MAD1L1: variants seen among roughly 807,000 people sequenced by gnomAD.
The protein encoded by MAD1L1 is mitotic arrest deficient 1 like 1.
MAD1L1 carries 95 observed loss-of-function variants against 96.9 expected under a neutral mutation model. The ratio of observed to expected loss-of-function variants is 0.98; its 90% CI spans 0.83 to 1.16. The LOEUF (loss-of-function observed/expected upper bound fraction) is 1.16. MAD1L1 is among the 50% of genes most tolerant of loss of function. The pLI is 0.00. For synonymous variants in MAD1L1, 473 were observed against 396.6 expected (o/e 1.19, Z -2.29); for missense variants, 1,007 against 954.4 (o/e 1.06, Z -0.73).
At chr7:2,077,489 G>A (rs1160743847) in intron 11 of MAD1L1, among the ~76,000 whole-genome samples, 2 of 152,192 alleles carry the variant, frequency 1.3e-5, no homozygotes, top group Non-Finnish European at 2.9e-5. Flanking sequence ...GGGCTGGGGG[G>A]AGACGCCCCA....
At position 1,980,684 on chromosome 7, in the gene MAD1L1, G is replaced by A. The variant is rs998939428; in HGVS notation, c.1417-143C>T. 3 of 724,306 alleles carry A rather than the reference G, an allele frequency of 4.1e-6. No individual in the cohort carries two copies. The African/African-American group carries it at 5.2e-5, about 13-fold the overall frequency. 44.9% of individuals were successfully genotyped at this position (724,306 alleles called of 1,614,324 possible). On this transcript the variant is annotated intron_variant, in intron 14 of 18. Coordinates refer to ENST00000265854, the MANE Select transcript of MAD1L1 (RefSeq NM_001013836.2). ...TGCGGGAGAGACCTCTCTCCTGGAAGCCTGAAGCTGCCAGGCCAGACAGCA... is the reference window on the plus strand; with the variant it reads ...TGCGGGAGAGACCTCTCTCCTGGAAACCTGAAGCTGCCAGGCCAGACAGCA...
chr7:1,890,117 C>T (rs1304662468), intron 18 of MAD1L1, among the ~76,000 whole-genome samples: 1 of 152,256 alleles, frequency 6.6e-6, no homozygotes, highest in Non-Finnish European at 1.5e-5. Flanking sequence ...GGGTCTCACT[C>T]CTGGACCACA....
At chr7:1,936,033 C>T (rs76965842) in intron 17 of MAD1L1, among the ~76,000 whole-genome samples, 1,720 of 152,352 alleles carry the variant, frequency 0.011, 35 homozygotes, top group East Asian at 0.084. Context: ...CTGAGCCCCA[C>T]AGCCTCGCTG....
intron 12 of MAD1L1, among the ~76,000 whole-genome samples, chr7:2,048,617 G>A (rs1784036858): frequency 1.3e-5 from 2 of 152,224 alleles, no homozygotes; most frequent in African/African-American, 4.8e-5. Context: ...GGTCAGCCAG[G>A]AAGGGGCTGT....
intron 14 of MAD1L1, among the ~76,000 whole-genome samples, chr7:1,993,071 A>G (rs1370683292): frequency 1.3e-5 from 2 of 152,204 alleles, no homozygotes; most frequent in South Asian, 2.1e-4. Flanking sequence ...TCTCGTGGTT[A>G]TTATAGACTC....
At chr7:2,170,791 A>G (rs1790670413) in intron 10 of MAD1L1, among the ~76,000 whole-genome samples, 2 of 152,268 alleles carry the variant, frequency 1.3e-5, no homozygotes, top group Admixed American at 6.5e-5. Flanking sequence ...ATCACAGGAA[A>G]GGCGACACAG....
rs186872801 is a variant in MAD1L1 at position 1,919,632 on chromosome 7, G to C, written c.1807+17055C>G. ...CCATCGTCGCCATCACCATCATGCT[G>C]AGCACACATCATGGGCCAGCGGTGC... On this transcript the variant is annotated intron_variant, in intron 17 of 18. Transcript: ENST00000265854. Among the ~76,000 whole-genome samples, 544 of 152,322 alleles carry C rather than the reference G, an allele frequency of 3.6e-3. 4 individuals are homozygous for C. The highest frequency in any genetic ancestry group is 0.013 in the African/African-American group (537 of 41,572).
At chr7:2,074,406 T>A (rs559453137) in intron 11 of MAD1L1, among the ~76,000 whole-genome samples, 30 of 152,156 alleles carry the variant, frequency 2.0e-4, no homozygotes, top group African/African-American at 7.0e-4. Flanking sequence ...CATTAAAATG[T>A]AGACACTCAG....
At chr7:2,073,051 T>C (rs1240821239) in intron 11 of MAD1L1, among the ~76,000 whole-genome samples, 1 of 152,202 alleles carries the variant, frequency 6.6e-6, no homozygotes, top group African/African-American at 2.4e-5. Context: ...AGGAACTGGA[T>C]GTGGCCTGAG....
intron 11 of MAD1L1, among the ~76,000 whole-genome samples, chr7:2,123,859 C>T (rs1788101509): frequency 6.6e-6 from 1 of 152,230 alleles, no homozygotes; most frequent in Admixed American, 6.5e-5. Context: ...AATAAAGCTG[C>T]CAATTAGCCA....
chr7:2,115,673 C>T (rs1475029525), intron 11 of MAD1L1, among the ~76,000 whole-genome samples: 1 of 152,226 alleles, frequency 6.6e-6, no homozygotes, highest in African/African-American at 2.4e-5. Context: ...GGCCTGTGGA[C>T]ACTCAGTCTG....
At chr7:1,886,376 G>C (rs1307792343) in intron 18 of MAD1L1, among the ~76,000 whole-genome samples, 1 of 152,246 alleles carries the variant, frequency 6.6e-6, no homozygotes, top group Non-Finnish European at 1.5e-5. Flanking sequence ...GTCTACACCC[G>C]TTGGCAGCAA....
At chr7:1,973,550 G>A (rs912590768) in intron 15 of MAD1L1, among the ~76,000 whole-genome samples, 1 of 152,134 alleles carries the variant, frequency 6.6e-6, no homozygotes, top group African/African-American at 2.4e-5. Flanking sequence ...CAGACAGCTG[G>A]GTACGAGCTC....
At chr7:2,031,761 T>A (rs1034291971) in intron 12 of MAD1L1, among the ~76,000 whole-genome samples, 1 of 152,234 alleles carries the variant, frequency 6.6e-6, no homozygotes, top group Non-Finnish European at 1.5e-5. Flanking sequence ...CACGCGGATA[T>A]GGGGCCATGG....
At chr7:2,203,033 A>C (rs1584538455) in intron 10 of MAD1L1, among the ~76,000 whole-genome samples, 1 of 150,374 alleles carries the variant, frequency 6.7e-6, no homozygotes. Context: ...CCCGCCTCCC[A>C]CCTCCCCAGC....
chr7:2,043,493 C>T (rs575073788), intron 12 of MAD1L1, among the ~76,000 whole-genome samples: 63 of 152,366 alleles, frequency 4.1e-4, no homozygotes, highest in African/African-American at 1.4e-3. Context: ...GCCCTCGGCA[C>T]GACCTGGCAC....
chr7:2,156,866 G>A (rs1417613613), intron 10 of MAD1L1, among the ~76,000 whole-genome samples: 2 of 150,388 alleles, frequency 1.3e-5, no homozygotes, highest in Admixed American at 6.6e-5. Context: ...GAAAAGAAAA[G>A]AAAGAAATAG....
intron 10 of MAD1L1, among the ~76,000 whole-genome samples, chr7:2,196,054 G>C (rs559835945): frequency 5.9e-4 from 90 of 152,374 alleles, no homozygotes; most frequent in Non-Finnish European, 1.1e-3. Context: ...CAGATGGATG[G>C]AGGTTATTGA....
intron 10 of MAD1L1, among the ~76,000 whole-genome samples, chr7:2,163,113 T>C (rs920995325): frequency 6.6e-6 from 1 of 152,250 alleles, no homozygotes; most frequent in Non-Finnish European, 1.5e-5. Context: ...TCAGCTTCCA[T>C]ATTTAATTAA....
Sources: allele counts gnomAD v4.1 joint callset (sites outside exome capture counted in the v4.1 genomes callset), GRCh38; gene constraint gnomAD v4.1.1; transcripts MANE v1.5; gene names NCBI Gene and HGNC (gene_info 2026-07-23, HGNC 2026-07-21).